The following SHROOM2 variants were observed in gnomAD, a reference collection of about 807,000 sequenced individuals.
SHROOM2 encodes protein Shroom2.
Under a neutral mutation model 75.9 loss-of-function variants are expected in SHROOM2, and 33 were observed. The ratio of observed to expected loss-of-function variants is 0.43; its 90% CI spans 0.33 to 0.58. The LOEUF (loss-of-function observed/expected upper bound fraction) is 0.58, where lower values mean the gene tolerates loss of function less well. SHROOM2 is among the 20% of genes least tolerant of loss of function. The pLI is 0.04. For synonymous variants in SHROOM2, 655 were observed against 663.6 expected, an observed-to-expected ratio of 0.99 and a Z score of 0.20; for missense variants, 1,434 against 1,461.2, an observed-to-expected ratio of 0.98 and a Z score of 0.30.
At chrX:9,797,026 C>CT (rs750143976) in intron 1 of SHROOM2, among the ~76,000 whole-genome samples, 18 of 112,087 alleles carry the variant, frequency 1.6e-4, no homozygotes, top group Non-Finnish European at 2.4e-4. Flanking sequence ...TGACAAGACT[C>CT]TATTTCTTCA....
At chrX:9,802,963 G>A (rs1470808556) in intron 1 of SHROOM2, among the ~76,000 whole-genome samples, 1 of 99,554 alleles carries the variant, frequency 1.0e-5, no homozygotes, top group Non-Finnish European at 2.0e-5. Flanking sequence ...GCATCTTGCT[G>A]TGTCACCCAG....
rs1238159857 is a variant in SHROOM2, at chrX:9,786,686, C to G, written c.141C>G (p.His47Gln). Residue 47 changes from histidine (H) to glutamine (Q), a missense_variant, in exon 1 of 10, where the codon CAC (histidine) becomes CAG (glutamine). This residue lies in a region of SHROOM2 where 1,340 missense variants were observed against 1,338.3 expected (regional missense o/e 1.00). Coordinates refer to ENST00000380913, the MANE Select transcript of SHROOM2 (RefSeq NM_001649.4). Reference sequence around the variant, plus strand: ...TCACCCTGAAGGGCGGCCGCGAGCACGGCGAGCCGCTGGTCATCACCAAGG... The same window carrying G: ...TCACCCTGAAGGGCGGCCGCGAGCAGGGCGAGCCGCTGGTCATCACCAAGG... The part of the protein sequence containing the change: ...WGFTLKGGRE[H>Q]GEPLVITKIE... 1 of 888,509 alleles carries G rather than the reference C, an allele frequency of 1.1e-6. No individual in the cohort carries two copies. Among genetic ancestry groups the G allele is most frequent in the East Asian group, 5.2e-5 (1 of 19,203 alleles). 73.2% of individuals were successfully genotyped at this position (888,509 alleles called of 1,213,427 possible).
intron 1 of SHROOM2, among the ~76,000 whole-genome samples, chrX:9,788,549 G>T (rs1387878727): frequency 9.0e-6 from 1 of 111,296 alleles, no homozygotes; most frequent in Admixed American, 9.6e-5. Flanking sequence ...AACAGCTGTG[G>T]CCCAGGCAGG....
intron 2 of SHROOM2, among the ~76,000 whole-genome samples, chrX:9,875,168 G>T (rs1490312925): frequency 2.0e-5 from 2 of 101,643 alleles, no homozygotes; most frequent in Non-Finnish European, 4.0e-5. Context: ...ATTGTAAGTG[G>T]TACATGCTAT....
chrX:9,848,532 G>A (rs373814415), intron 1 of SHROOM2, among the ~76,000 whole-genome samples: 986 of 55,367 alleles, frequency 0.018, no homozygotes, highest in Non-Finnish European at 0.027. Context: ...AAAAAAAAAA[G>A]AAAAGCATGT....
intron 5 of SHROOM2, among the ~76,000 whole-genome samples, chrX:9,908,295 G>C (rs1006633795): frequency 2.9e-4 from 33 of 111,891 alleles, no homozygotes; most frequent in African/African-American, 1.0e-3. Context: ...CTCAATTCAT[G>C]GAAAGTGACT....
chrX:9,838,440 A>G (rs1252201713), intron 1 of SHROOM2, among the ~76,000 whole-genome samples: 4 of 111,068 alleles, frequency 3.6e-5, no homozygotes, highest in African/African-American at 6.6e-5. Context: ...ACTGCTTAAG[A>G]AATGCCTGCT....
At chrX:9,801,713 G>C (rs1013144437) in intron 1 of SHROOM2, among the ~76,000 whole-genome samples, 1 of 111,787 alleles carries the variant, frequency 8.9e-6, no homozygotes, top group East Asian at 2.8e-4. Context: ...TAGCACTTGG[G>C]AGGCCAAGGT....
chrX:9,816,351 A>T (rs1336895197), intron 1 of SHROOM2, among the ~76,000 whole-genome samples: 5 of 112,362 alleles, frequency 4.4e-5, no homozygotes, highest in African/African-American at 1.6e-4. Flanking sequence ...TCCCTGATGA[A>T]TCAAAAGAAT....
chrX:9,888,783 AT>A (rs1264168139), intron 2 of SHROOM2, among the ~76,000 whole-genome samples: 1 of 111,898 alleles, frequency 8.9e-6, no homozygotes, highest in Non-Finnish European at 1.9e-5. Context: ...TCTGTTGCTA[AT>A]ATTCTTATAT....
intron 6 of SHROOM2, among the ~76,000 whole-genome samples, chrX:9,935,892 A>G (rs1360809535): frequency 2.7e-5 from 3 of 111,109 alleles, no homozygotes; most frequent in Non-Finnish European, 5.7e-5. Context: ...GACCACCAGC[A>G]TATGGGGCTG....
At chrX:9,848,534 A>AAAAAAAAAAAAAC (rs2084020393) in intron 1 of SHROOM2, among the ~76,000 whole-genome samples, 1 of 103,243 alleles carries the variant, frequency 9.7e-6, no homozygotes, top group Non-Finnish European at 2.0e-5. Flanking sequence ...AAAAAAAAGA[A>AAAAAAAAAAAAAC]AAGCATGTTC....
chrX:9,815,480 G>GTGTGTGTGTGTA (rs542594786), intron 1 of SHROOM2, among the ~76,000 whole-genome samples: 1 of 87,775 alleles, frequency 1.1e-5, no homozygotes, highest in African/African-American at 4.4e-5. Context: ...GTGTGTGTGT[G>GTGTGTGTGTGTA]TATATAATAT....
chrX:9,878,222 G>C (rs775814109), intron 2 of SHROOM2, among the ~76,000 whole-genome samples: 1 of 111,729 alleles, frequency 9.0e-6, no homozygotes, highest in Non-Finnish European at 1.9e-5. Context: ...CCCACTCTGG[G>C]CAGTTTCTCT....
chrX:9,939,370 G>A lies in SHROOM2; in HGVS notation c.4311+4G>A. The stretch of plus-strand genomic sequence containing the variant: ...CCACGACCTGTCGGTGAAGAAGGTA[G>A]GAGAGTCCATTCCAAATGACAGCGT... On this transcript the variant is annotated splice_donor_region_variant and intron_variant, in intron 8 of 9. Coordinates refer to ENST00000380913, the MANE Select transcript of SHROOM2 (RefSeq NM_001649.4). 8.4e-7 allele frequency: 1 copy of A among 1,196,476 alleles called. No homozygotes were observed. The highest frequency in any genetic ancestry group is 1.1e-6 in the Non-Finnish European group (1 of 887,026).
chrX:9,867,441 A>G (rs1203364492), intron 1 of SHROOM2, among the ~76,000 whole-genome samples: 1 of 110,791 alleles, frequency 9.0e-6, no homozygotes, highest in Non-Finnish European at 1.9e-5. Context: ...GATTTTTCCT[A>G]AGTACTACAG....
intron 5 of SHROOM2, among the ~76,000 whole-genome samples, chrX:9,905,230 T>G (rs1030441786): frequency 8.9e-6 from 1 of 112,374 alleles, no homozygotes; most frequent in African/African-American, 3.2e-5. Flanking sequence ...GTTAGGTCCT[T>G]GCAGTTAGTC....
At chrX:9,829,052 C>A (rs1449002920) in intron 1 of SHROOM2, among the ~76,000 whole-genome samples, 1 of 111,467 alleles carries the variant, frequency 9.0e-6, no homozygotes, top group Non-Finnish European at 1.9e-5. Flanking sequence ...TAAACAGATT[C>A]TCTCTCTGTT....
intron 1 of SHROOM2, among the ~76,000 whole-genome samples, chrX:9,808,804 G>C (rs1214479185): frequency 4.5e-5 from 5 of 110,780 alleles, no homozygotes; most frequent in Admixed American, 9.7e-5. Flanking sequence ...GGAGGTTGCA[G>C]TGAGCCAAGT....
Sources: gnomAD v4.1 joint callset for allele counts (sites outside exome capture counted in the v4.1 genomes callset) on GRCh38, gnomAD v4.1.1 for gene constraint, gnomAD v4.1.1 regional missense constraint, MANE v1.5 for transcripts, NCBI Gene and HGNC (gene_info 2026-07-23, HGNC 2026-07-21) for gene names.